Variants in DGLUCY observed in about 807,000 individuals in gnomAD.
DGLUCY encodes D-glutamate cyclase, mitochondrial.
DGLUCY carries 58 observed loss-of-function variants against 58.5 expected under a neutral mutation model. The observed-to-expected ratio is 0.99, with a 90% confidence interval of 0.80 to 1.23. DGLUCY has a LOEUF of 1.23. Among genes scored for constraint, DGLUCY ranks in the 50% most tolerant of loss-of-function variants. The pLI, the probability that DGLUCY is intolerant of heterozygous loss-of-function variation, is 0.00. For synonymous variants in DGLUCY, 325 were observed against 314.1 expected (o/e 1.03, Z -0.37); for missense variants, 779 against 784.7 (o/e 0.99, Z 0.09).
At chr14:91,085,565 T>TG (rs977220497) in intron 1 of DGLUCY, among the ~76,000 whole-genome samples, 1 of 147,830 alleles carries the variant, frequency 6.8e-6, no homozygotes, top group Non-Finnish European at 1.5e-5. Flanking sequence ...TTTTTTTTGT[T>TG]TTTTTTTTTT....
chr14:91,106,604 G>T (rs946284110), upstream of DGLUCY, among the ~76,000 whole-genome samples: 1 of 152,098 alleles, frequency 6.6e-6, no homozygotes, highest in Non-Finnish European at 1.5e-5. Flanking sequence ...CTACGCGGGA[G>T]GCTGAGGCAT....
At chr14:91,122,167 T>A (rs1298425584) in intron 1 of DGLUCY, among the ~76,000 whole-genome samples, 1 of 152,030 alleles carries the variant, frequency 6.6e-6, no homozygotes, top group Non-Finnish European at 1.5e-5. Context: ...TTTATTTTTT[T>A]ATTTTTTTTT....
At chr14:91,115,864 C>T (rs544287866) in intron 1 of DGLUCY, among the ~76,000 whole-genome samples, 22 of 151,990 alleles carry the variant, frequency 1.4e-4, no homozygotes, top group Admixed American at 1.2e-3. Context: ...CTCACGTTTC[C>T]GCAGCTCGGC....
chr14:91,166,537 C>A (rs1393712745), intron 3 of DGLUCY, among the ~76,000 whole-genome samples: 2 of 152,082 alleles, frequency 1.3e-5, no homozygotes, highest in Non-Finnish European at 2.9e-5. Flanking sequence ...CAGTGATGCA[C>A]ACCTATAGTC....
chr14:91,149,247 C>CAAAAA (rs530717496), intron 1 of DGLUCY, among the ~76,000 whole-genome samples: 2 of 113,922 alleles, frequency 1.8e-5, no homozygotes, highest in Non-Finnish European at 3.8e-5. Context: ...AACTCTATCT[C>CAAAAA]AAAAAAAAAA....
At chr14:91,093,194 G>T (rs545526866) in intron 1 of DGLUCY, among the ~76,000 whole-genome samples, 71 of 152,170 alleles carry the variant, frequency 4.7e-4, no homozygotes, top group African/African-American at 1.7e-3. Context: ...CTATAATGAT[G>T]ATATAATAAT....
chr14:91,134,151 T>G (rs1017043224), intron 1 of DGLUCY, among the ~76,000 whole-genome samples: 1 of 152,192 alleles, frequency 6.6e-6, no homozygotes, highest in Non-Finnish European at 1.5e-5. Context: ...CCCTTGACCC[T>G]TCCCTGTAAG....
At chr14:91,180,377 G>T (rs556875690) in intron 7 of DGLUCY, among the ~76,000 whole-genome samples, 2 of 151,624 alleles carry the variant, frequency 1.3e-5, no homozygotes, top group East Asian at 4.0e-4. Flanking sequence ...TTTGAGACCA[G>T]CCTGGATAAC....
At chr14:91,161,101 T>C (rs185195948) in intron 3 of DGLUCY, among the ~76,000 whole-genome samples, 89 of 152,368 alleles carry the variant, frequency 5.8e-4, no homozygotes, top group African/African-American at 2.1e-3. Context: ...AGTCTCGCTC[T>C]GTCGCCCAGG....
upstream of DGLUCY, among the ~76,000 whole-genome samples, chr14:91,102,993 C>G (rs879061656): frequency 1.3e-5 from 2 of 151,946 alleles, no homozygotes; most frequent in Admixed American, 1.3e-4. Flanking sequence ...AACTCCTGAC[C>G]TCAAATGATC....
At chr14:91,183,180 G>C (rs1299947605) in intron 8 of DGLUCY, among the ~76,000 whole-genome samples, 1 of 151,872 alleles carries the variant, frequency 6.6e-6, no homozygotes, top group Non-Finnish European at 1.5e-5. Flanking sequence ...ATTTTTAGTA[G>C]AGACGGGGTT....
At chr14:91,111,792 C>G (rs1486917147), upstream of DGLUCY, among the ~76,000 whole-genome samples, 1 of 152,186 alleles carries the variant, frequency 6.6e-6, no homozygotes, top group Non-Finnish European at 1.5e-5. Context: ...GACCATACAG[C>G]CTTCAAGTTT....
chr14:91,114,800 A>G (rs2044812554), intron 1 of DGLUCY: 2 of 152,332 alleles, frequency 1.3e-5, no homozygotes, highest in African/African-American at 4.8e-5. Context: ...AGTGATGGCT[A>G]TGAGGTAGCG....
At chr14:91,178,369 GC>G in intron 7 of DGLUCY, among the ~76,000 whole-genome samples, 1 of 152,070 alleles carries the variant, frequency 6.6e-6, no homozygotes, top group East Asian at 1.9e-4. Flanking sequence ...TCACTATGTT[GC>G]CCAAGCTGGT....
intron 1 of DGLUCY, among the ~76,000 whole-genome samples, chr14:91,120,150 GACTAATAC>G (rs957372411): frequency 4.6e-5 from 7 of 152,186 alleles, no homozygotes; most frequent in African/African-American, 1.7e-4. Context: ...AGAGAACCCT[GACTAATAC>G]ACTTAGTGTC....
intron 11 of DGLUCY, among the ~76,000 whole-genome samples, chr14:91,201,142 G>A (rs927541596): frequency 8.5e-5 from 13 of 152,114 alleles, no homozygotes; most frequent in African/African-American, 2.9e-4. Flanking sequence ...AGTTAGGGTA[G>A]GGCAGGAACA....
Position 91,173,317 on chromosome 14 carries a change from G to C in DGLUCY, c.485G>C (p.Gly162Ala). Residue 162 changes from glycine to alanine, a missense_variant, in exon 6 of 14, where the codon GGC becomes GCC. By Grantham distance (60) the Gly-to-Ala change is moderately conservative (BLOSUM62 0). Transcript: ENST00000256324. ...KTTVPCVTHA[G>A]FCCPLVVTMR... ...ACAGTGCCTTGTGTTACCCATGCTG[G>C]CTTCTGCTGCCCTCTGGTGGTCACG... The C allele has an allele frequency of 1.9e-6, 3 of 1,612,800 alleles. No individual in the cohort carries two copies. The highest frequency in any genetic ancestry group is 2.5e-6 in the Non-Finnish European group (3 of 1,179,722).
intron 1 of DGLUCY, among the ~76,000 whole-genome samples, chr14:91,085,255 T>C (rs1394198650): frequency 6.6e-6 from 1 of 150,836 alleles, no homozygotes; most frequent in East Asian, 1.9e-4. Flanking sequence ...AACAGAGCTG[T>C]TGATTGCTCT....
chr14:91,074,920 A>G (rs1325750427), intron 1 of DGLUCY, among the ~76,000 whole-genome samples: 1 of 151,986 alleles, frequency 6.6e-6, no homozygotes, highest in East Asian at 1.9e-4. Context: ...TAAAAATACA[A>G]AATTAGCCGG....
Sources: allele counts gnomAD v4.1 joint callset (sites outside exome capture counted in the v4.1 genomes callset), GRCh38; gene constraint gnomAD v4.1.1; transcripts MANE v1.5; gene names NCBI Gene and HGNC (gene_info 2026-07-23, HGNC 2026-07-21).